Variants in CRACDL observed in about 807,000 individuals in gnomAD.
The protein encoded by CRACDL is CRACD like.
In CRACDL, 26 loss-of-function variants were observed where a neutral mutation model predicts 70.6. The observed-to-expected ratio is 0.37, with a 90% confidence interval of 0.27 to 0.51. CRACDL has a LOEUF of 0.51. Among genes scored for constraint, CRACDL ranks in the 20% least tolerant of loss-of-function variants. CRACDL has a pLI of 0.94. For missense variants in CRACDL, 1,283 were observed against 1,376.9 expected, an observed-to-expected ratio of 0.93 and a Z score of 1.08; for synonymous variants, 618 against 615.2, an observed-to-expected ratio of 1.00 and a Z score of -0.07.
At position 98,827,071 on chromosome 2, in the gene CRACDL, T is replaced by G; in HGVS notation, c.639A>C (p.Ala213=). 1 of 1,614,154 alleles carries G rather than the reference T, an allele frequency of 6.2e-7. No homozygotes were observed. The highest frequency in any genetic ancestry group is 8.5e-7 in the Non-Finnish European group (1 of 1,179,992). ...AGTTGTCCAGGCAGGAGGAGGATTC[T>G]GCAGGATAACTGAAGTCAGCCACTG... ...LAPVADFSYP[A]ESSSCLDNSA... Residue 213 remains alanine, a synonymous_variant, in exon 6 of 10, where the codon GCA becomes GCC. Coordinates refer to ENST00000397899, the MANE Select transcript of CRACDL (RefSeq NM_207362.3).
At chr2:98,881,397 G>T (rs1707647291) in intron 1 of CRACDL, among the ~76,000 whole-genome samples, 1 of 152,180 alleles carries the variant, frequency 6.6e-6, no homozygotes, top group Non-Finnish European at 1.5e-5. Flanking sequence ...GCACATTCAA[G>T]CTTGAGAAGC....
chr2:98,816,893 T>C lies in CRACDL; in HGVS notation c.2416+4964A>G, dbSNP rs147251148. Among the ~76,000 whole-genome samples the C allele has an allele frequency of 2.9e-4, 44 of 152,296 alleles. 1 individual carries two copies. The highest frequency in any genetic ancestry group is 1.0e-3 in the African/African-American group (43 of 41,564). On this transcript the variant is annotated intron_variant, in intron 7 of 9. Coordinates refer to ENST00000397899, the MANE Select transcript of CRACDL (RefSeq NM_207362.3). ...AACTGAAATCGGAATCTCAGAGATA[T>C]TAACACCCCCTGTTCACTGAGGCAC...
chr2:98,798,967 A>C (rs1703957434), intron 7 of CRACDL, among the ~76,000 whole-genome samples: 1 of 152,198 alleles, frequency 6.6e-6, no homozygotes, highest in African/African-American at 2.4e-5. Flanking sequence ...TACAGGCGTG[A>C]GCCACCTCCC....
chr2:98,903,597 T>C (rs559530020), intron 1 of CRACDL, among the ~76,000 whole-genome samples: 1 of 152,310 alleles, frequency 6.6e-6, no homozygotes, highest in South Asian at 2.1e-4. Flanking sequence ...AGGAGACAGA[T>C]GATTTAAACT....
intron 7 of CRACDL, among the ~76,000 whole-genome samples, chr2:98,798,635 C>T (rs1273103229): frequency 1.3e-5 from 2 of 151,840 alleles, no homozygotes; most frequent in Non-Finnish European, 2.9e-5. Context: ...GAATTTATTA[C>T]CTTCATCAAT....
chr2:98,915,294 C>T (rs1383443051), intron 1 of CRACDL, among the ~76,000 whole-genome samples: 4 of 152,216 alleles, frequency 2.6e-5, no homozygotes, highest in Non-Finnish European at 5.9e-5. Context: ...TAAGTCCTCC[C>T]TTTCAGCCCT....
chr2:98,800,691 C>A (rs529020512), intron 7 of CRACDL, among the ~76,000 whole-genome samples: 1 of 152,364 alleles, frequency 6.6e-6, no homozygotes, highest in South Asian at 2.1e-4. Flanking sequence ...ATGTTTGGTA[C>A]TAGACATGTT....
rs150566273 is a variant in CRACDL, at chr2:98,847,727, A to G, written c.-10-917T>C. On this transcript the variant is annotated intron_variant, in intron 1 of 9. Coordinates refer to ENST00000397899, the MANE Select transcript of CRACDL (RefSeq NM_207362.3). ...CTCTACCTCCATATACTATCACACC[A>G]TTTATTTAGAAAGCTATTTCTTACT... Among the ~76,000 whole-genome samples the G allele has an allele frequency of 5.3e-3, 800 of 152,300 alleles. 9 individuals are homozygous for G. The highest frequency in any genetic ancestry group is 0.018 in the African/African-American group (768 of 41,544).
chr2:98,798,866 T>A (rs1703952766), intron 7 of CRACDL, among the ~76,000 whole-genome samples: 1 of 152,040 alleles, frequency 6.6e-6, no homozygotes, highest in Non-Finnish European at 1.5e-5. Context: ...GAATTTTTTG[T>A]AGAGATGGGG....
intron 1 of CRACDL, among the ~76,000 whole-genome samples, chr2:98,876,132 G>A (rs564050472): frequency 1.6e-4 from 25 of 152,258 alleles, no homozygotes; most frequent in Admixed American, 1.3e-3. Flanking sequence ...GTAGATATGA[G>A]GAAATTATAC....
intron 1 of CRACDL, among the ~76,000 whole-genome samples, chr2:98,883,603 G>A (rs923428718): frequency 3.3e-5 from 5 of 152,146 alleles, no homozygotes; most frequent in African/African-American, 9.7e-5. Flanking sequence ...TCCCTGGCCC[G>A]TTGGGAAGAG....
intron 1 of CRACDL, among the ~76,000 whole-genome samples, chr2:98,850,707 T>G (rs533960415): frequency 2.6e-5 from 4 of 152,292 alleles, no homozygotes; most frequent in African/African-American, 7.2e-5. Context: ...GGGCTGAGCC[T>G]CCAGGCCCTG....
chr2:98,834,010 C>G (rs997992194), intron 3 of CRACDL, among the ~76,000 whole-genome samples: 2 of 152,222 alleles, frequency 1.3e-5, no homozygotes, highest in African/African-American at 4.8e-5. Context: ...AAGTGGGAAC[C>G]CATGGCTCCC....
At chr2:98,803,767 G>C (rs1259839964) in intron 7 of CRACDL, among the ~76,000 whole-genome samples, 1 of 152,180 alleles carries the variant, frequency 6.6e-6, no homozygotes, top group Admixed American at 6.5e-5. Flanking sequence ...CTCACAGCCA[G>C]CTGTGCTAGA....
At chr2:98,878,904 A>G (rs577226605) in intron 1 of CRACDL, among the ~76,000 whole-genome samples, 1 of 152,348 alleles carries the variant, frequency 6.6e-6, no homozygotes, top group South Asian at 2.1e-4. Context: ...TATTGAAGAT[A>G]TATTTTCAAA....
intron 1 of CRACDL, among the ~76,000 whole-genome samples, chr2:98,916,006 T>C (rs1364171269): frequency 6.6e-6 from 1 of 152,204 alleles, no homozygotes; most frequent in African/African-American, 2.4e-5. Context: ...CCTGAGGAAC[T>C]GTCCCAAACT....
At chr2:98,877,481 C>T (rs549060225) in intron 1 of CRACDL, among the ~76,000 whole-genome samples, 4 of 152,304 alleles carry the variant, frequency 2.6e-5, no homozygotes, top group South Asian at 4.1e-4. Context: ...GTTGGTGGCT[C>T]ATGCCTGTAA....
chr2:98,803,764 C>A (rs1265943134), intron 7 of CRACDL, among the ~76,000 whole-genome samples: 1 of 152,208 alleles, frequency 6.6e-6, no homozygotes, highest in African/African-American at 2.4e-5. Context: ...TTTCTCACAG[C>A]CAGCTGTGCT....
chr2:98,802,325 C>A (rs530465521), intron 7 of CRACDL, among the ~76,000 whole-genome samples: 2 of 152,252 alleles, frequency 1.3e-5, no homozygotes, highest in South Asian at 4.1e-4. Flanking sequence ...TTACAGCGAG[C>A]CTGGCCATCC....
Sources: gnomAD v4.1 joint callset for allele counts (sites outside exome capture counted in the v4.1 genomes callset) on GRCh38, gnomAD v4.1.1 for gene constraint, MANE v1.5 for transcripts, NCBI Gene and HGNC (gene_info 2026-07-23, HGNC 2026-07-21) for gene names.